Variants in MEMO1 observed in about 807,000 individuals in gnomAD.
MEMO1 encodes mediator of cell motility 1.
MEMO1 carries 6 observed loss-of-function variants against 45.2 expected under a neutral mutation model. The observed-to-expected ratio is 0.13, with a 90% CI of 0.07 to 0.26. The LOEUF (loss-of-function observed/expected upper bound fraction) is 0.26. Ranked by LOEUF, MEMO1 falls within the 10% of genes least tolerant of loss-of-function variation. The pLI is 1.00. For synonymous variants in MEMO1, 78 were observed against 124.3 expected (o/e 0.63, Z 2.48); for missense variants, 184 against 370.5 (o/e 0.50, Z 4.13).
chr2:31,878,096 T>TA (rs944456463), intron 8 of MEMO1, among the ~76,000 whole-genome samples: 3 of 152,072 alleles, frequency 2.0e-5, no homozygotes, highest in Non-Finnish European at 2.9e-5. Context: ...CAAAATTAAA[T>TA]AGAGTAGTCA....
intron 2 of MEMO1, among the ~76,000 whole-genome samples, chr2:31,997,738 T>G (rs1197891917): frequency 6.6e-6 from 1 of 152,204 alleles, no homozygotes; most frequent in African/African-American, 2.4e-5. Context: ...TCATAGTATG[T>G]AAGACCTTGT....
chr2:31,975,811 A>G (rs1669941503), intron 2 of MEMO1, among the ~76,000 whole-genome samples: 1 of 152,226 alleles, frequency 6.6e-6, no homozygotes, highest in Admixed American at 6.5e-5. Flanking sequence ...TGTACATACA[A>G]ATCACTTTCT....
chr2:31,942,410 A>AAAC (rs1287187649), intron 3 of MEMO1, among the ~76,000 whole-genome samples: 1 of 152,236 alleles, frequency 6.6e-6, no homozygotes, highest in African/African-American at 2.4e-5. Flanking sequence ...AAAATTGGCA[A>AAAC]GTTTACCTGA....
intron 2 of MEMO1, among the ~76,000 whole-genome samples, chr2:32,006,328 G>A (rs151091468): frequency 6.6e-6 from 1 of 152,112 alleles, no homozygotes. Flanking sequence ...AGATGATAAG[G>A]GCCTAAAATA....
At chr2:31,944,075 C>A (rs1665928638) in intron 2 of MEMO1, among the ~76,000 whole-genome samples, 1 of 152,172 alleles carries the variant, frequency 6.6e-6, no homozygotes, top group South Asian at 2.1e-4. Flanking sequence ...CACTCCTCTG[C>A]TCCTCTCTCC....
chr2:31,873,722 T>C (rs1035962668), intron 8 of MEMO1, among the ~76,000 whole-genome samples: 1 of 152,116 alleles, frequency 6.6e-6, no homozygotes, highest in African/African-American at 2.4e-5. Flanking sequence ...ATCAAATCAT[T>C]AGATTTGTGG....
intron 6 of MEMO1, among the ~76,000 whole-genome samples, chr2:31,907,810 C>CAT (rs1331896287): frequency 6.6e-6 from 1 of 151,738 alleles, no homozygotes; most frequent in Non-Finnish European, 1.5e-5. Context: ...CACACACACA[C>CAT]ACACACACAC....
intron 3 of MEMO1, among the ~76,000 whole-genome samples, chr2:31,933,344 A>ATATATATATATAT (rs1664462781): frequency 2.8e-5 from 1 of 35,420 alleles, no homozygotes; most frequent in African/African-American, 1.2e-4. Flanking sequence ...AAAAAAAAAA[A>ATATATATATATAT]AAAAATTTAT....
intron 6 of MEMO1, among the ~76,000 whole-genome samples, chr2:31,907,476 TA>T (rs1204528763): frequency 6.6e-6 from 1 of 152,130 alleles, no homozygotes; most frequent in Non-Finnish European, 1.5e-5. Flanking sequence ...AATGTTATCT[TA>T]AAAACAACCC....
At chr2:31,906,301 T>G (rs146399284) in intron 6 of MEMO1, among the ~76,000 whole-genome samples, 2 of 147,264 alleles carry the variant, frequency 1.4e-5, no homozygotes, top group East Asian at 2.0e-4. Context: ...TTTGTTTTTG[T>G]TTTTTTTGTT....
intron 3 of MEMO1, among the ~76,000 whole-genome samples, chr2:31,933,335 AAAAAAAAAAAAAAATTT>A (rs1558514067): frequency 3.1e-5 from 2 of 63,776 alleles, no homozygotes; most frequent in African/African-American, 1.4e-4. Context: ...AAAAAAAAAA[AAAAAAAAAAAAAAATTT>A]ATATATATAT....
chr2:31,951,052 C>A (rs1374329145), intron 2 of MEMO1, among the ~76,000 whole-genome samples: 4 of 152,168 alleles, frequency 2.6e-5, no homozygotes, highest in Admixed American at 6.5e-5. Flanking sequence ...TCAATGCAGT[C>A]CCTTTCCTGA....
chr2:31,985,291 T>C (rs1671127778), intron 2 of MEMO1, among the ~76,000 whole-genome samples: 1 of 152,236 alleles, frequency 6.6e-6, no homozygotes, highest in African/African-American at 2.4e-5. Context: ...TAGAAAATTA[T>C]AAACAGCAAG....
chr2:31,933,346 AAAATTT>A lies in MEMO1; in HGVS notation c.144-1217_144-1212del, dbSNP rs1558514240. 4.7e-3 allele frequency among the ~76,000 whole-genome samples: 121 copies of A among 25,508 alleles called. 3 individuals are homozygous for A. Among genetic ancestry groups the A allele is most frequent in the African/African-American group, 6.5e-3 (41 of 6,280 alleles). The allele number at this position is 25,508 out of a possible 152,430, so 16.7% of individuals were successfully genotyped here. A position where few individuals can be genotyped will look rare whatever the true frequency, so the allele number is the denominator to read the frequency against. On this transcript the variant is annotated intron_variant, in intron 3 of 9. Transcript: ENST00000404530. ...AAAAAAAAAAAAAAAAAAAAAAAAA[AAAATTT>A]ATATATATATATATATATATATATA... is the stretch of plus-strand genomic sequence containing the variant.
intron 6 of MEMO1, among the ~76,000 whole-genome samples, chr2:31,908,366 T>C (rs1558494543): frequency 6.6e-6 from 1 of 151,042 alleles, no homozygotes. Context: ...ATGGTGAGAG[T>C]AAAAAAAACA....
chr2:31,925,475 C>CAAAAAAAAAA (rs70964741), intron 4 of MEMO1, among the ~76,000 whole-genome samples: 7,246 of 78,294 alleles, frequency 0.093, 1,108 homozygotes, highest in African/African-American at 0.13. Flanking sequence ...GACTCCGTCT[C>CAAAAAAAAAA]AAAAAAAAAA....
intron 2 of MEMO1, among the ~76,000 whole-genome samples, chr2:32,002,792 G>A (rs1673573536): frequency 6.6e-6 from 1 of 152,128 alleles, no homozygotes; most frequent in Non-Finnish European, 1.5e-5. Context: ...AAAAGCAGTT[G>A]ACACGAACCA....
chr2:32,000,802 T>C (rs1673207919), intron 2 of MEMO1, among the ~76,000 whole-genome samples: 1 of 151,544 alleles, frequency 6.6e-6, no homozygotes, highest in Non-Finnish European at 1.5e-5. Flanking sequence ...TTTTTTTTTT[T>C]CCATGACATA....
At chr2:31,898,863 T>G (rs976260730) in intron 6 of MEMO1, among the ~76,000 whole-genome samples, 3 of 152,220 alleles carry the variant, frequency 2.0e-5, no homozygotes, top group African/African-American at 7.2e-5. Context: ...TTTGTAGTTC[T>G]CTAAGAACTT....
Sources: gnomAD v4.1 joint callset for allele counts (sites outside exome capture counted in the v4.1 genomes callset) on GRCh38, gnomAD v4.1.1 for gene constraint, MANE v1.5 for transcripts, NCBI Gene and HGNC (gene_info 2026-07-23, HGNC 2026-07-21) for gene names.